The following PRKCA variants were observed in gnomAD, a reference collection of about 807,000 sequenced individuals.
PRKCA encodes protein kinase C alpha.
PRKCA carries 27 observed loss-of-function variants against 87.0 expected under a neutral mutation model. The observed-to-expected ratio is 0.31, with a 90% CI of 0.23 to 0.43. The LOEUF (loss-of-function observed/expected upper bound fraction) is 0.43, where lower values mean the gene tolerates loss of function less well. PRKCA is among the 20% of genes least tolerant of loss of function. The pLI is 1.00. For synonymous variants in PRKCA, 329 were observed against 311.1 expected (o/e 1.06, Z -0.61); for missense variants, 518 against 852.3 (o/e 0.61, Z 4.88).
chr17:66,451,343 AATTTATTTATTTATTT>A (rs60875203), intron 2 of PRKCA, among the ~76,000 whole-genome samples: 84 of 144,868 alleles, frequency 5.8e-4, no homozygotes, highest in African/African-American at 2.0e-3. Context: ...ACGGAGTTAG[AATTTATTTATTTATTT>A]ATTTATTTAT....
chr17:66,474,006 G>A (rs1052188098), intron 2 of PRKCA, among the ~76,000 whole-genome samples: 4 of 152,142 alleles, frequency 2.6e-5, no homozygotes, highest in South Asian at 2.1e-4. Flanking sequence ...CATATGAACT[G>A]TGTGACTTTG....
chr17:66,504,804 C>T (rs1261518765), intron 3 of PRKCA, among the ~76,000 whole-genome samples: 1 of 152,148 alleles, frequency 6.6e-6, no homozygotes, highest in Non-Finnish European at 1.5e-5. Context: ...TTCTGTTGCT[C>T]ATGTTGGCCC....
At chr17:66,775,195 T>C (rs1598933918) in intron 14 of PRKCA, 2 of 952,372 alleles carry the variant, frequency 2.1e-6, no homozygotes, top group South Asian at 1.0e-4. Context: ...CATAGGACAC[T>C]TCCGTGGCAA....
chr17:66,788,856 A>C lies in PRKCA; in HGVS notation c.1731A>C (p.Pro577=). 6.2e-7 allele frequency: 1 copy of C among 1,613,020 alleles called. No homozygotes were observed. Among genetic ancestry groups the C allele is most frequent in the African/African-American group, 1.3e-5 (1 of 74,850 alleles). Reference sequence around the variant, plus strand: ...CTTTCTAGCTGATGACCAAACACCCAGCCAAGCGGCTGGGCTGTGGGCCTG... The same window carrying C: ...CTTTCTAGCTGATGACCAAACACCCCGCCAAGCGGCTGGGCTGTGGGCCTG... ...SVCKGLMTKH[P]AKRLGCGPEG... The change falls in exon 16 of 17, where the codon CCA becomes CCC. Residue 577 remains proline, a synonymous_variant. Coordinates refer to ENST00000413366, the MANE Select transcript of PRKCA (RefSeq NM_002737.3).
chr17:66,336,754 T>TTGTGTG (rs148842588), intron 2 of PRKCA, among the ~76,000 whole-genome samples: 1,952 of 133,676 alleles, frequency 0.015, 25 homozygotes, highest in East Asian at 0.04. Context: ...GCAAATAAGT[T>TTGTGTG]TGTGTGTGTG....
intron 16 of PRKCA, among the ~76,000 whole-genome samples, chr17:66,793,570 A>G (rs1975593020): frequency 7.3e-6 from 1 of 136,470 alleles, no homozygotes; most frequent in African/African-American, 2.9e-5. Flanking sequence ...AGCCTGGGCG[A>G]CAAGAATGAA....
At chr17:66,388,745 C>T (rs958032269) in intron 2 of PRKCA, among the ~76,000 whole-genome samples, 1 of 152,160 alleles carries the variant, frequency 6.6e-6, no homozygotes, top group African/African-American at 2.4e-5. Context: ...TGCACATCTG[C>T]ACTGTGGGGC....
chr17:66,617,105 CT>C (rs1251842251), intron 3 of PRKCA, among the ~76,000 whole-genome samples: 1 of 152,108 alleles, frequency 6.6e-6, no homozygotes, highest in Non-Finnish European at 1.5e-5. Flanking sequence ...CATTCTCAAT[CT>C]TTTAATAATG....
At chr17:66,574,061 C>T (rs755376384) in intron 3 of PRKCA, among the ~76,000 whole-genome samples, 3 of 152,126 alleles carry the variant, frequency 2.0e-5, no homozygotes, top group Non-Finnish European at 4.4e-5. Flanking sequence ...AATCACAACA[C>T]CCAGGGTTGA....
chr17:66,671,209 C>CA (rs778507190), intron 5 of PRKCA, among the ~76,000 whole-genome samples: 1,206 of 48,156 alleles, frequency 0.025, 98 homozygotes, highest in Admixed American at 0.086. Flanking sequence ...AGACTCATCT[C>CA]AAAAAAAAAA....
At chr17:66,749,418 G>A (rs1162384054) in intron 13 of PRKCA, among the ~76,000 whole-genome samples, 1 of 151,938 alleles carries the variant, frequency 6.6e-6, no homozygotes, top group Non-Finnish European at 1.5e-5. Context: ...CCCACCCCAG[G>A]CATCTGCTCA....
chr17:66,717,174 T>TA (rs1435356071), intron 8 of PRKCA, among the ~76,000 whole-genome samples: 1 of 152,212 alleles, frequency 6.6e-6, no homozygotes, highest in Non-Finnish European at 1.5e-5. Context: ...ACCTGCGTGA[T>TA]ACAGGGCAAG....
rs746344234 is a variant in PRKCA at position 66,742,610 on chromosome 17, G to A, written c.1386-12G>A. Reference sequence around the variant, plus strand: ...ATGGGAAGGACTCTGATGTTAACCCGGTTCCTTGCAGGGATCTGAAGTTAG... The same window carrying A: ...ATGGGAAGGACTCTGATGTTAACCCAGTTCCTTGCAGGGATCTGAAGTTAG... On this transcript the variant is annotated splice_polypyrimidine_tract_variant and intron_variant, in intron 12 of 16. Coordinates refer to ENST00000413366, the MANE Select transcript of PRKCA (RefSeq NM_002737.3). 1.5e-5 allele frequency: 24 copies of A among 1,613,244 alleles called. No homozygotes were observed. The highest frequency in any genetic ancestry group is 1.7e-4 in the Middle Eastern group (1 of 6,058).
At chr17:66,790,548 G>A (rs1332418634) in intron 16 of PRKCA, among the ~76,000 whole-genome samples, 1 of 151,904 alleles carries the variant, frequency 6.6e-6, no homozygotes, top group African/African-American at 2.4e-5. Flanking sequence ...TTCCTCTTCT[G>A]CCTTTAATAT....
At chr17:66,513,492 TGAATG>T (rs1291512851) in intron 3 of PRKCA, among the ~76,000 whole-genome samples, 1 of 152,276 alleles carries the variant, frequency 6.6e-6, no homozygotes, top group Non-Finnish European at 1.5e-5. Context: ...CACTTGATTC[TGAATG>T]TTGCCCATTC....
At chr17:66,321,977 A>G (rs373989403) in intron 2 of PRKCA, among the ~76,000 whole-genome samples, 7 of 152,174 alleles carry the variant, frequency 4.6e-5, no homozygotes, top group African/African-American at 1.7e-4. Flanking sequence ...CTTTCTCATC[A>G]TTACCCTTCT....
chr17:66,550,060 C>A (rs1476992690), intron 3 of PRKCA, among the ~76,000 whole-genome samples: 1 of 152,154 alleles, frequency 6.6e-6, no homozygotes, highest in Non-Finnish European at 1.5e-5. Context: ...TTGAGAGAAT[C>A]CCTGGCCTGT....
intron 3 of PRKCA, among the ~76,000 whole-genome samples, chr17:66,527,469 G>A (rs1967386217): frequency 6.6e-6 from 1 of 152,138 alleles, no homozygotes; most frequent in African/African-American, 2.4e-5. Flanking sequence ...GTGGCTCTGC[G>A]GGTCATTCAT....
intron 3 of PRKCA, among the ~76,000 whole-genome samples, chr17:66,617,924 A>AT (rs1970558991): frequency 2.6e-5 from 4 of 152,324 alleles, no homozygotes; most frequent in African/African-American, 7.2e-5. Context: ...TTCAGGTGCT[A>AT]GAAACACATT....
Sources: allele counts gnomAD v4.1 joint callset (sites outside exome capture counted in the v4.1 genomes callset), GRCh38; gene constraint gnomAD v4.1.1; transcripts MANE v1.5; gene names NCBI Gene and HGNC (gene_info 2026-07-23, HGNC 2026-07-21).